SHANK1: variants seen among roughly 807,000 people sequenced by gnomAD.
SHANK1 encodes SH3 and multiple ankyrin repeat domains protein 1.
In SHANK1, 35 loss-of-function variants were observed where a neutral mutation model predicts 165.6. The ratio of observed to expected loss-of-function variants is 0.21; its 90% CI spans 0.16 to 0.28. SHANK1 has a LOEUF of 0.28. Among genes scored for constraint, SHANK1 ranks in the 10% least tolerant of loss-of-function variants. The pLI is 1.00. For synonymous variants in SHANK1, 1,428 were observed against 1,384.8 expected (o/e 1.03, Z -0.69); for missense variants, 2,681 against 3,036.4 (o/e 0.88, Z 2.75).
chr19:50,684,328 C>T (rs760646590), intron 21 of SHANK1, among the ~76,000 whole-genome samples: 15 of 151,894 alleles, frequency 9.9e-5, no homozygotes, highest in Admixed American at 3.3e-4. Context: ...CGGGTTCAAG[C>T]GATTCTCTCG....
At position 50,697,572 on chromosome 19, in the gene SHANK1, G is replaced by C; in HGVS notation, c.1937+17C>G. 6.2e-7 allele frequency: 1 copy of C among 1,604,780 alleles called. No individual in the cohort carries two copies. The highest frequency in any genetic ancestry group is 1.1e-5 in the South Asian group (1 of 90,878). ...CTTGGGGTGAGGGGGGTTGCCCGAG[G>C]GTGTAAGGACATTTACCTTGGGGCA... On this transcript the variant is annotated intron_variant, in intron 14 of 23. Coordinates refer to ENST00000293441, the MANE Select transcript of SHANK1 (RefSeq NM_016148.5). The surrounding 1 kb of genome is among the most constrained non-coding windows in gnomAD (Gnocchi z 4.7).
At position 50,660,675 on chromosome 19, in the gene SHANK1, CATT is replaced by C. The variant is rs747314638; in HGVS notation, c.*1287_*1289del. On this transcript the variant is annotated 3_prime_UTR_variant, in exon 24 of 24. Transcript: ENST00000293441. ...GCAGCCATGTCATGGTGCGCAAGAA[CATT>C]ATTAAAGGGGAGAAACAAGGCTTCC... Among the ~76,000 whole-genome samples, 91 of 129,394 alleles carry C rather than the reference CATT, an allele frequency of 7.0e-4. No individual in the cohort carries two copies. Among genetic ancestry groups the C allele is most frequent in the Admixed American group, 2.4e-3 (28 of 11,544 alleles). The allele number at this position is 129,394 out of a possible 152,430, so 84.9% of individuals were successfully genotyped here. A position where few individuals can be genotyped will look rare whatever the true frequency, so the allele number is the denominator to read the frequency against.
At position 50,688,798 on chromosome 19, in the gene SHANK1, G is replaced by A; in HGVS notation, c.2172+46C>T. On this transcript the variant is annotated intron_variant, in intron 17 of 23. Coordinates refer to ENST00000293441, the MANE Select transcript of SHANK1 (RefSeq NM_016148.5). The surrounding 1 kb of genome is among the most constrained non-coding windows in gnomAD (Gnocchi z 6.7). ...CTGGTGTGAATCATGAGGGGGTCTG[G>A]GAACTTGTCACAGGGTCCCAGGGAA... is the stretch of plus-strand genomic sequence containing the variant. 1 of 1,582,550 alleles carries A rather than the reference G, an allele frequency of 6.3e-7. No homozygotes were observed. The highest frequency in any genetic ancestry group is 1.2e-5 in the South Asian group (1 of 86,890).
intron 21 of SHANK1, among the ~76,000 whole-genome samples, chr19:50,674,785 G>A (rs1460325142): frequency 2.6e-5 from 4 of 152,010 alleles, no homozygotes; most frequent in African/African-American, 9.7e-5. Flanking sequence ...AAAATTGCTG[G>A]GCACGGTGGC....
intron 12 of SHANK1, among the ~76,000 whole-genome samples, chr19:50,699,959 GGAGGGCTCGGGGCATTGGAGGA>G (rs1986859098): frequency 7.4e-6 from 1 of 135,916 alleles, no homozygotes; most frequent in African/African-American, 2.9e-5. Flanking sequence ...TTGGAGGATT[GGAGGGCTCGGGGCATTGGAGGA>G]TTGGAGGGAT....
At position 50,662,752 on chromosome 19, in the gene SHANK1, G is replaced by C; in HGVS notation, c.5769-70C>G. On this transcript the variant is annotated intron_variant, in intron 23 of 23. Coordinates refer to ENST00000293441, the MANE Select transcript of SHANK1 (RefSeq NM_016148.5). The surrounding 1 kb of genome is among the most constrained non-coding windows in gnomAD (Gnocchi z 7.7). ...GGGCAAGGGCAGGGGTGAGAAAGAGGCAGAGGTCAAGATATAGGGAGAGAG... is the reference window on the plus strand; with the variant it reads ...GGGCAAGGGCAGGGGTGAGAAAGAGCCAGAGGTCAAGATATAGGGAGAGAG... The C allele has an allele frequency of 2.0e-6, 3 of 1,527,552 alleles. No homozygotes were observed. The highest frequency in any genetic ancestry group is 2.7e-6 in the Non-Finnish European group (3 of 1,128,426). 94.6% of individuals were successfully genotyped at this position (1,527,552 alleles called of 1,614,324 possible).
At chr19:50,689,147 TTCTGGGGTCACAGA>T in intron 16 of SHANK1, 36 bp downstream of exon 16, 1 of 1,454,944 alleles carries the variant, frequency 6.9e-7, no homozygotes, top group South Asian at 1.1e-5. Flanking sequence ...TCAGCCCTGC[TTCTGGGGTCACAGA>T]GCCCTTCTCC....
In SHANK1 at chr19:50,670,432, C is replaced by T. The variant is rs1381245073; in HGVS notation, c.2675-1147G>A. On this transcript the variant is annotated intron_variant, in intron 22 of 23. Transcript: ENST00000293441. This position sits in a 1 kb window ranked among gnomAD's most constrained non-coding sequence, Gnocchi z 4.1. Reference sequence around the variant, plus strand: ...AGCTGTCACCTCCTCTTTGGTCCCCCGGCTTCCCAGCTCATCCCCTTCAAT... The same window carrying T: ...AGCTGTCACCTCCTCTTTGGTCCCCTGGCTTCCCAGCTCATCCCCTTCAAT... Among the ~76,000 whole-genome samples the T allele has an allele frequency of 6.6e-6, 1 of 152,168 alleles. No individual in the cohort carries two copies. The highest frequency in any genetic ancestry group is 1.9e-4 in the East Asian group (1 of 5,196).
At chr19:50,679,194 C>A (rs112157455) in intron 21 of SHANK1, among the ~76,000 whole-genome samples, 2 of 29,528 alleles carry the variant, frequency 6.8e-5, no homozygotes, top group East Asian at 2.3e-3. Flanking sequence ...GTCAGTGTGA[C>A]GGGGAGGGGT....
Position 50,662,194 on chromosome 19 carries a change from G to A in SHANK1, c.6257C>T (p.Pro2086Leu), listed in dbSNP as rs1049308622. 1.7e-5 allele frequency: 27 copies of A among 1,609,370 alleles called. No individual in the cohort carries two copies. The highest frequency in any genetic ancestry group is 2.2e-5 in the South Asian group (2 of 90,814). Residue 2086 changes from proline (P) to leucine (L), a missense_variant, in exon 24 of 24, where the codon CCG (proline) becomes CTG (leucine). This residue lies in a region of SHANK1 where 1,713 missense variants were observed against 1,630.2 expected (regional missense o/e 1.05). Coordinates refer to ENST00000293441, the MANE Select transcript of SHANK1 (RefSeq NM_016148.5). This position sits in a 1 kb window ranked among gnomAD's most constrained non-coding sequence, Gnocchi z 7.7. ...LSPTRLLSLP[P>L]DKPFGAKPLG... is the part of the protein sequence containing the mutation. ...AGGTTTAGCGCCAAACGGCTTGTCCGGGGGCAGCGAGAGCAGGCGGGTCGG... is the reference window on the plus strand; with the variant it reads ...AGGTTTAGCGCCAAACGGCTTGTCCAGGGGCAGCGAGAGCAGGCGGGTCGG...
rs140191771 is a variant in SHANK1, at chr19:50,662,205, G to C, written c.6246C>G (p.Leu2082=). The C allele has an allele frequency of 1.2e-6, 2 of 1,609,700 alleles. No homozygotes were observed. The highest frequency in any genetic ancestry group is 1.7e-6 in the Non-Finnish European group (2 of 1,176,856). Residue 2082 remains leucine, a synonymous_variant, in exon 24 of 24, where the codon CTC becomes CTG. Coordinates refer to ENST00000293441, the MANE Select transcript of SHANK1 (RefSeq NM_016148.5). This position sits in a 1 kb window ranked among gnomAD's most constrained non-coding sequence, Gnocchi z 7.7. Reference sequence around the variant, plus strand: ...CAAACGGCTTGTCCGGGGGCAGCGAGAGCAGGCGGGTCGGTGAGAGGGAGC... The same window carrying C: ...CAAACGGCTTGTCCGGGGGCAGCGACAGCAGGCGGGTCGGTGAGAGGGAGC... ...ASRSLSPTRL[L]SLPPDKPFGA... is the part of the protein sequence containing the mutation.
At chr19:50,705,963 C>T (rs1377221589) in intron 8 of SHANK1, among the ~76,000 whole-genome samples, 1 of 152,038 alleles carries the variant, frequency 6.6e-6, no homozygotes, top group Non-Finnish European at 1.5e-5. Flanking sequence ...TTGAGACCAG[C>T]CTGGGCAACA....
Position 50,667,070 on chromosome 19 carries a change from C to T in SHANK1, c.4890G>A (p.Glu1630=), listed in dbSNP as rs763233579. 6.4e-7 allele frequency: 1 copy of T among 1,554,104 alleles called. No individual in the cohort carries two copies. The highest frequency in any genetic ancestry group is 8.7e-7 in the Non-Finnish European group (1 of 1,154,454). Residue 1630 remains glutamate, a synonymous_variant, in exon 23 of 24, where the codon GAG becomes GAA. Transcript: ENST00000293441. The surrounding 1 kb of genome is among the most constrained non-coding windows in gnomAD (Gnocchi z 5.7). The part of the protein sequence containing the change: ...TASSLTSYDS[E]VATLTQGASA... ...AGGCCCCCTGGGTCAGGGTGGCCAC[C>T]TCGCTGTCATAGGATGTCAGGCTGG...
At position 50,702,759 on chromosome 19, in the gene SHANK1, G is replaced by C. The variant is rs1004802012; in HGVS notation, c.1554-99C>G. 9.8e-6 allele frequency: 7 copies of C among 714,876 alleles called. No homozygotes were observed. In the African/African-American group the frequency reaches 1.0e-4, roughly 10 times the overall value. The allele number at this position is 714,876 out of a possible 1,614,324, so 44.3% of individuals were successfully genotyped here. ...GGTGGGGGAAGAGGACGGTGCATCA[G>C]GGGGGAGGGGGGGTTTCCCAGCACT... On this transcript the variant is annotated intron_variant, in intron 11 of 23. Transcript: ENST00000293441. This position sits in a 1 kb window ranked among gnomAD's most constrained non-coding sequence, Gnocchi z 5.3.
intron 8 of SHANK1, among the ~76,000 whole-genome samples, chr19:50,710,482 T>C (rs1187435429): frequency 1.3e-5 from 2 of 152,168 alleles, no homozygotes; most frequent in Admixed American, 1.3e-4. Context: ...GGTGGGGAGA[T>C]TGAGGCTTTC....
chr19:50,704,970 G>T (rs1001367652), intron 8 of SHANK1, among the ~76,000 whole-genome samples: 1 of 151,032 alleles, frequency 6.6e-6, no homozygotes, highest in African/African-American at 2.4e-5. Context: ...TGGGAGGATC[G>T]CTTGAGCTCA....
Position 50,688,432 on chromosome 19 carries a change from C to T in SHANK1, c.2173-374G>A, listed in dbSNP as rs968129578. Among the ~76,000 whole-genome samples, 1 of 152,222 alleles carries T rather than the reference C, an allele frequency of 6.6e-6. No homozygotes were observed. The highest frequency in any genetic ancestry group is 6.5e-5 in the Admixed American group (1 of 15,288). On this transcript the variant is annotated intron_variant, in intron 17 of 23. Coordinates refer to ENST00000293441, the MANE Select transcript of SHANK1 (RefSeq NM_016148.5). This position sits in a 1 kb window ranked among gnomAD's most constrained non-coding sequence, Gnocchi z 6.7. Reference sequence around the variant, plus strand: ...TTCCTGGGCTCAAGCAATTCTCCCACCTCAGCCTCCAGAATAGCTGGGACC... The same window carrying T: ...TTCCTGGGCTCAAGCAATTCTCCCATCTCAGCCTCCAGAATAGCTGGGACC...
chr19:50,667,366 T>A lies in SHANK1; in HGVS notation c.4594A>T (p.Thr1532Ser). Reference protein sequence around the residue: ...SPRRSVPPSPTSPRASEENGL... With the variant: ...SPRRSVPPSPSSPRASEENGL... ...TTCTCTTCGCTGGCCCTCGGGGAGG[T>A]CGGGGAGGGGGGCACGGACCGGCGT... The change falls in exon 23 of 24, where the codon ACC (threonine) becomes TCC (serine). Residue 1532 changes from threonine (T) to serine (S), a missense_variant. By Grantham distance (58) the Thr-to-Ser change is moderately conservative. Around this residue, in one of 10 missense-constraint regions of SHANK1, gnomAD observed 1,713 missense variants for 1,630.2 expected, o/e 1.05. Transcript: ENST00000293441. The surrounding 1 kb of genome is among the most constrained non-coding windows in gnomAD (Gnocchi z 5.7). 6.6e-7 allele frequency: 1 copy of A among 1,524,018 alleles called. No individual in the cohort carries two copies. The highest frequency in any genetic ancestry group is 8.8e-7 in the Non-Finnish European group (1 of 1,137,898). 94.4% of individuals were successfully genotyped at this position (1,524,018 alleles called of 1,614,324 possible). A position where few individuals can be genotyped will look rare whatever the true frequency, so the allele number is the denominator to read the frequency against.
intron 21 of SHANK1, among the ~76,000 whole-genome samples, chr19:50,680,328 T>C (rs1194013302): frequency 2.0e-5 from 3 of 152,034 alleles, no homozygotes; most frequent in Non-Finnish European, 2.9e-5. Context: ...AGAGAGGGCC[T>C]GCGCAGCCCC....
Sources: allele counts gnomAD v4.1 joint callset (sites outside exome capture counted in the v4.1 genomes callset), GRCh38; gene constraint gnomAD v4.1.1; regional missense constraint gnomAD v4.1.1; non-coding constraint Gnocchi (gnomAD v3.1); transcripts MANE v1.5; gene names NCBI Gene and HGNC (gene_info 2026-07-23, HGNC 2026-07-21).